Variants in CPM observed in about 807,000 individuals in gnomAD.
CPM encodes carboxypeptidase M, also known as renal carboxypeptidase.
CPM carries 35 observed loss-of-function variants against 46.4 expected under a neutral mutation model. The observed-to-expected ratio is 0.75, with a 90% CI of 0.58 to 1.00. The LOEUF is 1.00. Among genes scored for constraint, CPM ranks in the 50% least tolerant of loss-of-function variants. CPM has a pLI of 0.00. For synonymous variants in CPM, 195 were observed against 195.3 expected, an observed-to-expected ratio of 1.00 and a Z score of 0.01; for missense variants, 422 against 530.4, an observed-to-expected ratio of 0.80 and a Z score of 2.01.
chr12:68,889,739 G>A (rs570806438), intron 2 of CPM, among the ~76,000 whole-genome samples: 51 of 152,126 alleles, frequency 3.4e-4, no homozygotes, highest in African/African-American at 1.1e-3. Context: ...GATTCTCCCC[G>A]GGGCCTGAAA....
chr12:68,894,788 A>G (rs1199680651), intron 2 of CPM, among the ~76,000 whole-genome samples: 1 of 152,048 alleles, frequency 6.6e-6, no homozygotes, highest in Non-Finnish European at 1.5e-5. Flanking sequence ...TAATCCCAGC[A>G]CTTTGGAAGA....
intron 5 of CPM, chr12:68,842,501 G>C (rs984289974): frequency 2.6e-6 from 1 of 382,280 alleles, no homozygotes; most frequent in Non-Finnish European, 5.1e-6. Flanking sequence ...GATGAAAGGT[G>C]ATTACAAAAT....
At chr12:68,847,945 A>G (rs1884446170), downstream of CPM, 1 of 152,358 alleles carries the variant, frequency 6.6e-6, no homozygotes, top group African/African-American at 2.4e-5. Flanking sequence ...AAGGAGGATC[A>G]CTTGAGGCCA....
intron 1 of CPM, among the ~76,000 whole-genome samples, chr12:68,961,344 C>T (rs1889107934): frequency 6.6e-6 from 1 of 152,092 alleles, no homozygotes; most frequent in Non-Finnish European, 1.5e-5. Flanking sequence ...GGAGTTTTGC[C>T]ATGTTGCCCA....
At chr12:68,867,860 C>T (rs530555702) in intron 6 of CPM, among the ~76,000 whole-genome samples, 2 of 152,190 alleles carry the variant, frequency 1.3e-5, no homozygotes, top group Non-Finnish European at 2.9e-5. Flanking sequence ...GCAAAACAGG[C>T]AGGCATTATG....
intron 2 of CPM, among the ~76,000 whole-genome samples, chr12:68,905,692 G>A (rs552966452): frequency 2.0e-5 from 3 of 152,012 alleles, no homozygotes; most frequent in African/African-American, 4.8e-5. Context: ...GTAGGTCTAC[G>A]CAAACCTACC....
At chr12:68,951,123 C>A (rs1888928433) in intron 1 of CPM, among the ~76,000 whole-genome samples, 1 of 152,216 alleles carries the variant, frequency 6.6e-6, no homozygotes, top group Non-Finnish European at 1.5e-5. Context: ...GTACCACTTA[C>A]AACTGTGTGA....
intron 2 of CPM, among the ~76,000 whole-genome samples, chr12:68,926,966 T>C (rs764409283): frequency 6.6e-6 from 1 of 152,242 alleles, no homozygotes; most frequent in Non-Finnish European, 1.5e-5. Context: ...TCTATCGTTG[T>C]TGGACATTTG....
chr12:68,918,640 T>A (rs976904965), intron 2 of CPM, among the ~76,000 whole-genome samples: 1 of 152,016 alleles, frequency 6.6e-6, no homozygotes, highest in Non-Finnish European at 1.5e-5. Context: ...TCCAATCCAA[T>A]CCAACCCAAC....
At chr12:68,873,229 C>T (rs1296969271) in intron 3 of CPM, among the ~76,000 whole-genome samples, 4 of 152,208 alleles carry the variant, frequency 2.6e-5, no homozygotes. Context: ...GAAGAATTTC[C>T]AGTCATGATT....
At chr12:68,894,298 G>A (rs1305702403) in intron 2 of CPM, among the ~76,000 whole-genome samples, 1 of 152,170 alleles carries the variant, frequency 6.6e-6, no homozygotes, top group African/African-American at 2.4e-5. Context: ...CTAACCTAAC[G>A]GTGCCTGGCG....
At position 68,851,279 on chromosome 12, in the gene CPM, A is replaced by G. The variant is rs1007743845; in HGVS notation, c.*5158T>C. ...CCAATAAACTTTACAGTCTTAGACAATTTGTGCATTTTAATAAATTCTTAG... is the reference window on the plus strand; with the variant it reads ...CCAATAAACTTTACAGTCTTAGACAGTTTGTGCATTTTAATAAATTCTTAG... On this transcript the variant is annotated 3_prime_UTR_variant, in exon 9 of 9. Transcript: ENST00000551568. 4.6e-5 allele frequency: 7 copies of G among 152,544 alleles called. No individual in the cohort carries two copies. The highest frequency in any genetic ancestry group is 1.7e-4 in the African/African-American group (7 of 41,446). The allele number at this position is 152,544 out of a possible 1,614,324, so 9.4% of individuals were successfully genotyped here.
intron 2 of CPM, among the ~76,000 whole-genome samples, chr12:68,920,077 T>C (rs1887971115): frequency 6.6e-6 from 1 of 152,112 alleles, no homozygotes; most frequent in African/African-American, 2.4e-5. Flanking sequence ...TCCCACCCCC[T>C]CTTTCTCTTG....
In CPM at chr12:68,862,456, A is replaced by G. The variant is rs912221582; in HGVS notation, c.941-3385T>C. On this transcript the variant is annotated intron_variant, in intron 7 of 8. Transcript: ENST00000551568. ...ACCACGTTGGCCAGGCTGGTCTCGA[A>G]CTCCTGATCTCAAGTGATCCGCCCA... Among the ~76,000 whole-genome samples, 20 of 138,800 alleles carry G rather than the reference A, an allele frequency of 1.4e-4. 7 individuals are homozygous for G. Among genetic ancestry groups the G allele is most frequent in the African/African-American group, 5.6e-4 (20 of 35,428 alleles). 91.1% of individuals were successfully genotyped at this position (138,800 alleles called of 152,430 possible).
Position 68,856,486 on chromosome 12 carries a change from G to C in CPM, c.1283C>G (p.Pro428Arg). ...NLPDHSAATK[P>R]SLFLFLVSLL... is the part of the protein sequence containing the mutation. ...ACTCACTAAAAATAAGAACAAACTA[G>C]GCTTTGTTGCAGCTGAGTGGTCTGG... The change falls in exon 9 of 9, where the codon CCT (proline) becomes CGT (arginine). Residue 428 changes from proline (P) to arginine (R), a missense_variant. By Grantham distance (103) the Pro-to-Arg change is moderately radical. Transcript: ENST00000551568. 2 of 1,614,068 alleles carry C rather than the reference G, an allele frequency of 1.2e-6. No homozygotes were observed. The highest frequency in any genetic ancestry group is 2.2e-5 in the South Asian group (2 of 91,084).
intron 1 of CPM, among the ~76,000 whole-genome samples, chr12:68,943,177 T>C (rs1317666559): frequency 2.6e-5 from 4 of 152,250 alleles, no homozygotes; most frequent in Non-Finnish European, 4.4e-5. Context: ...ACCCCAGCTC[T>C]GTCGCTTACT....
chr12:68,904,769 G>T (rs1887266304), intron 2 of CPM, among the ~76,000 whole-genome samples: 1 of 152,212 alleles, frequency 6.6e-6, no homozygotes, highest in African/African-American at 2.4e-5. Flanking sequence ...AGCCTGGCAT[G>T]TGGGTGGAAG....
rs532352474 is a variant in CPM, at chr12:68,884,153, C to G, written c.258+1639G>C. ...AAAAAGCATTCTGAGGGACCTTGAT[C>G]AAGGGACCTCGATCAATAGACAAGA... On this transcript the variant is annotated intron_variant, in intron 3 of 8. Transcript: ENST00000551568. 2.9e-4 allele frequency among the ~76,000 whole-genome samples: 41 copies of G among 142,168 alleles called. No homozygotes were observed. The South Asian group carries it at 9.3e-3, about 32-fold the overall frequency. The allele number at this position is 142,168 out of a possible 152,430, so 93.3% of individuals were successfully genotyped here.
chr12:68,910,069 GA>G (rs1046236828), intron 2 of CPM, among the ~76,000 whole-genome samples: 2 of 151,870 alleles, frequency 1.3e-5, no homozygotes, highest in East Asian at 3.8e-4. Flanking sequence ...GAAACTTGAG[GA>G]AAAAAATGCA....
Sources: gnomAD v4.1 joint callset for allele counts (sites outside exome capture counted in the v4.1 genomes callset) on GRCh38, gnomAD v4.1.1 for gene constraint, MANE v1.5 for transcripts, NCBI Gene and HGNC (gene_info 2026-07-23, HGNC 2026-07-21) for gene names.